ALDH1A2: variants seen among roughly 807,000 people sequenced by gnomAD.
The protein encoded by ALDH1A2 is aldehyde dehydrogenase 1 family member A2, also known as retinal dehydrogenase 2.
Under a neutral mutation model 60.3 loss-of-function variants are expected in ALDH1A2, and 27 were observed. The observed-to-expected ratio is 0.45, with a 90% CI of 0.33 to 0.62. The LOEUF is 0.62. Ranked by LOEUF, ALDH1A2 falls within the 20% of genes least tolerant of loss-of-function variation. The pLI is 0.02. For synonymous variants in ALDH1A2, 289 were observed against 232.4 expected (o/e 1.24, Z -2.21); for missense variants, 581 against 643.8 (o/e 0.90, Z 1.06).
intron 7 of ALDH1A2, among the ~76,000 whole-genome samples, chr15:57,979,109 C>G (rs1375155262): frequency 1.3e-5 from 2 of 152,066 alleles, no homozygotes; most frequent in African/African-American, 4.8e-5. Flanking sequence ...CTTCCTTGTA[C>G]AGGCCTCACT....
At chr15:58,002,517 T>G (rs28628054) in intron 4 of ALDH1A2, among the ~76,000 whole-genome samples, 4,139 of 152,074 alleles carry the variant, frequency 0.027, 181 homozygotes, top group African/African-American at 0.093. Flanking sequence ...TGGCACATCC[T>G]ATATATTAAT....
At chr15:58,058,130 T>A in intron 1 of ALDH1A2, 1 of 1,448,686 alleles carries the variant, frequency 6.9e-7, no homozygotes, top group East Asian at 2.5e-5. Context: ...AGACTTTCAG[T>A]TGTTCTCCAT....
intron 7 of ALDH1A2, among the ~76,000 whole-genome samples, chr15:57,982,382 T>C (rs1456568164): frequency 6.6e-6 from 1 of 152,232 alleles, no homozygotes; most frequent in South Asian, 2.1e-4. Context: ...TTGAAGACTA[T>C]GTTCAAAACT....
At chr15:58,064,743 G>A (rs1047718639) in intron 1 of ALDH1A2, among the ~76,000 whole-genome samples, 1 of 151,574 alleles carries the variant, frequency 6.6e-6, no homozygotes, top group Non-Finnish European at 1.5e-5. Context: ...TTTTTTCTAT[G>A]TCGAATTTGT....
intron 7 of ALDH1A2, among the ~76,000 whole-genome samples, chr15:57,973,831 G>C (rs1265655353): frequency 6.6e-6 from 1 of 152,160 alleles, no homozygotes; most frequent in Non-Finnish European, 1.5e-5. Context: ...TGTAGATTCT[G>C]TTAGAAAGTT....
In ALDH1A2 at chr15:58,065,652, G is replaced by C. The variant is rs1276745566; in HGVS notation, c.-2C>G. 5 of 1,586,064 alleles carry C rather than the reference G, an allele frequency of 3.2e-6. No homozygotes were observed. Among genetic ancestry groups the C allele is most frequent in the South Asian group, 2.3e-5 (2 of 87,226 alleles). ...CATCTCTATCTTGCTGGAAGTCATGGTGGCGGGCCGGGTGTCCCTAGCCCG... is the reference window on the plus strand; with the variant it reads ...CATCTCTATCTTGCTGGAAGTCATGCTGGCGGGCCGGGTGTCCCTAGCCCG... On this transcript the variant is annotated 5_prime_UTR_variant, in exon 1 of 13. Coordinates refer to ENST00000249750, the MANE Select transcript of ALDH1A2 (RefSeq NM_003888.4).
At chr15:57,956,618 A>G (rs1029984966) in intron 12 of ALDH1A2, among the ~76,000 whole-genome samples, 2 of 152,062 alleles carry the variant, frequency 1.3e-5, no homozygotes, top group African/African-American at 4.8e-5. Flanking sequence ...AGAGAAACCA[A>G]CTGAAATTGC....
chr15:57,977,382 C>T (rs1390823035), intron 7 of ALDH1A2, among the ~76,000 whole-genome samples: 3 of 152,096 alleles, frequency 2.0e-5, no homozygotes, highest in East Asian at 1.9e-4. Flanking sequence ...TTAGTTCTTA[C>T]GTTTAAGTCT....
intron 1 of ALDH1A2, among the ~76,000 whole-genome samples, chr15:58,041,786 C>T (rs946386335): frequency 6.6e-6 from 1 of 151,856 alleles, no homozygotes; most frequent in East Asian, 1.9e-4. Flanking sequence ...TGCCTGAAAC[C>T]GCAGACAGTA....
intron 12 of ALDH1A2, among the ~76,000 whole-genome samples, chr15:57,958,976 C>CTGTT (rs1204201357): frequency 1.3e-5 from 2 of 152,230 alleles, no homozygotes; most frequent in African/African-American, 4.8e-5. Context: ...CTCTTGAGCA[C>CTGTT]TGTTATATGA....
At chr15:57,968,096 T>C (rs1436216422) in intron 7 of ALDH1A2, among the ~76,000 whole-genome samples, 2 of 152,214 alleles carry the variant, frequency 1.3e-5, no homozygotes, top group African/African-American at 4.8e-5. Context: ...AATGTCATTG[T>C]GCTTGCTCGC....
At position 57,965,912 on chromosome 15, in the gene ALDH1A2, G is replaced by C. The variant is rs1398607138; in HGVS notation, c.799-85C>G. The stretch of plus-strand genomic sequence containing the variant: ...CAATGCCAGCTCAGGGCATCAATGG[G>C]ATGCAACAGTAACAAACCCTAAAAG... On this transcript the variant is annotated intron_variant, in intron 7 of 12. Coordinates refer to ENST00000249750, the MANE Select transcript of ALDH1A2 (RefSeq NM_003888.4). The C allele has an allele frequency of 2.4e-5, 24 of 1,020,170 alleles. No homozygotes were observed. The East Asian group carries it at 5.8e-4, about 25-fold the overall frequency. 63.2% of individuals were successfully genotyped at this position (1,020,170 alleles called of 1,614,324 possible).
At chr15:57,979,336 T>C (rs1471860832) in intron 7 of ALDH1A2, among the ~76,000 whole-genome samples, 1 of 152,154 alleles carries the variant, frequency 6.6e-6, no homozygotes, top group African/African-American at 2.4e-5. Flanking sequence ...TTTGCGGGTA[T>C]AGAAACCACA....
At chr15:58,009,930 G>A (rs1038682247) in intron 4 of ALDH1A2, among the ~76,000 whole-genome samples, 2 of 151,966 alleles carry the variant, frequency 1.3e-5, no homozygotes, top group Admixed American at 1.3e-4. Context: ...TCTCTTCACT[G>A]ACTGCTTTAG....
At chr15:57,974,432 C>CA (rs61170362) in intron 7 of ALDH1A2, among the ~76,000 whole-genome samples, 8,159 of 95,894 alleles carry the variant, frequency 0.085, 389 homozygotes, top group African/African-American at 0.14. Context: ...GACTCCATCT[C>CA]AAAAAAAAAA....
chr15:57,963,897 C>T lies in ALDH1A2; in HGVS notation c.1074G>A (p.Glu358=). The change falls in exon 9 of 13, where the codon GAG becomes GAA. Residue 358 remains glutamate, a synonymous_variant. Transcript: ENST00000249750. ...VVGSPFDPTT[E]QGPQIDKKQY... is the part of the protein sequence containing the mutation. ...ATGATTTTTCTACCTGGGGACCCTG[C>T]TCAGTGGTGGGGTCAAAGGGACTCC... The T allele has an allele frequency of 6.2e-7, 1 of 1,614,178 alleles. No individual in the cohort carries two copies. Among genetic ancestry groups the T allele is most frequent in the East Asian group, 2.2e-5 (1 of 44,870 alleles).
intron 1 of ALDH1A2, among the ~76,000 whole-genome samples, chr15:58,059,642 T>C (rs1416346047): frequency 1.3e-5 from 2 of 152,194 alleles, no homozygotes; most frequent in African/African-American, 4.8e-5. Context: ...ATCGGGCATA[T>C]TGAAGCATAT....
chr15:58,008,796 T>A (rs1451322176), intron 4 of ALDH1A2, among the ~76,000 whole-genome samples: 2 of 152,120 alleles, frequency 1.3e-5, no homozygotes, highest in Non-Finnish European at 2.9e-5. Context: ...CTAAAAAGAC[T>A]GACATGTGTC....
intron 3 of ALDH1A2, among the ~76,000 whole-genome samples, chr15:58,011,113 A>AT (rs1279925571): frequency 1.3e-5 from 2 of 151,586 alleles, no homozygotes; most frequent in Non-Finnish European, 2.9e-5. Flanking sequence ...CTCACTGGGG[A>AT]TTTTTTGGCA....
Sources: allele counts gnomAD v4.1 joint callset (sites outside exome capture counted in the v4.1 genomes callset), GRCh38; gene constraint gnomAD v4.1.1; transcripts MANE v1.5; gene names NCBI Gene and HGNC (gene_info 2026-07-23, HGNC 2026-07-21).